The following TMEM181 variants were observed in gnomAD, a reference collection of about 807,000 sequenced individuals.
TMEM181 encodes transmembrane protein 181, also known as G protein-coupled receptor 178.
In TMEM181, 39 loss-of-function variants were observed where a neutral mutation model predicts 71.9. The ratio of observed to expected loss-of-function variants is 0.54; its 90% CI spans 0.42 to 0.71. The LOEUF is 0.71. Ranked by LOEUF, TMEM181 falls within the 30% of genes least tolerant of loss-of-function variation. TMEM181 has a pLI of 0.00. For missense variants in TMEM181, 595 were observed against 583.0 expected (o/e 1.02, Z -0.21); for synonymous variants, 245 against 228.8 (o/e 1.07, Z -0.64).
chr6:158,624,425 A>AGG (rs773154679), intron 11 of TMEM181, among the ~76,000 whole-genome samples: 5 of 152,198 alleles, frequency 3.3e-5, no homozygotes, highest in Non-Finnish European at 5.9e-5. Flanking sequence ...AGGACAGGAA[A>AGG]GGGGTGGGGG....
chr6:158,541,607 C>G (rs1225548907), intron 1 of TMEM181, among the ~76,000 whole-genome samples: 2 of 152,262 alleles, frequency 1.3e-5, no homozygotes, highest in South Asian at 4.1e-4. Flanking sequence ...GGCTCATGTT[C>G]CGTTTCCACG....
chr6:158,564,412 C>G (rs925143368), intron 1 of TMEM181, among the ~76,000 whole-genome samples: 8 of 152,346 alleles, frequency 5.3e-5, no homozygotes, highest in African/African-American at 1.4e-4. Flanking sequence ...GCCTGTCTTA[C>G]AGGGAAGCTC....
At chr6:158,628,264 A>G in intron 13 of TMEM181, 144 bp from the exon 14 acceptor site, 1 of 757,384 alleles carries the variant, frequency 1.3e-6, no homozygotes, top group Non-Finnish European at 2.3e-6. Flanking sequence ...CTGTGCGTGC[A>G]TCTGTGCATG....
intron 13 of TMEM181, among the ~76,000 whole-genome samples, chr6:158,625,992 C>A (rs1786254917): frequency 6.6e-6 from 1 of 152,216 alleles, no homozygotes; most frequent in Admixed American, 6.5e-5. Context: ...TCGGCCCGCG[C>A]TGGGCATGTT....
intron 1 of TMEM181, among the ~76,000 whole-genome samples, chr6:158,538,194 G>A (rs748803513): frequency 2.2e-5 from 3 of 137,108 alleles, no homozygotes; most frequent in African/African-American, 5.6e-5. Context: ...TTGCCCTGTC[G>A]CCCAGGCTGG....
At chr6:158,573,609 A>C in intron 2 of TMEM181, 86 bp downstream of exon 2, 1 of 1,136,986 alleles carries the variant, frequency 8.8e-7, no homozygotes, top group East Asian at 2.6e-5. Context: ...CTGTGCCCCT[A>C]TCTTCCACTG....
intron 1 of TMEM181, among the ~76,000 whole-genome samples, chr6:158,569,546 TGA>T (rs1356746057): frequency 6.6e-6 from 1 of 152,002 alleles, no homozygotes; most frequent in Non-Finnish European, 1.5e-5. Context: ...TTGAGCCTTC[TGA>T]GAGAGACTGG....
At chr6:158,608,237 C>T (rs6455594) in intron 8 of TMEM181, 96 bp from the exon 9 acceptor site, 1 of 783,708 alleles carries the variant, frequency 1.3e-6, no homozygotes, top group Non-Finnish European at 1.7e-6. Context: ...ATGGGGTGCT[C>T]TCTGCTAGGT....
At chr6:158,575,764 A>G (rs1023397792) in intron 2 of TMEM181, among the ~76,000 whole-genome samples, 2 of 152,180 alleles carry the variant, frequency 1.3e-5, no homozygotes, top group African/African-American at 4.8e-5. Flanking sequence ...CATTTGATAT[A>G]TGCTTCCCAG....
Position 158,572,065 on chromosome 6 carries a change from G to A in TMEM181, c.9-1355G>A, listed in dbSNP as rs538640240. On this transcript the variant is annotated intron_variant, in intron 1 of 16. Transcript: ENST00000684151. ...TTTATTTCTTCACCCAGTGACCCTG[G>A]TCTGTGTGCTCACTGCCCAGGTGGC... Among the ~76,000 whole-genome samples, 12 of 152,354 alleles carry A rather than the reference G, an allele frequency of 7.9e-5. No individual in the cohort carries two copies. In the South Asian group the frequency reaches 2.3e-3, roughly 29 times the overall value.
chr6:158,588,728 G>A (rs750455360), intron 5 of TMEM181, among the ~76,000 whole-genome samples: 38 of 152,222 alleles, frequency 2.5e-4, no homozygotes, highest in African/African-American at 3.4e-4. Flanking sequence ...GATTACAGGC[G>A]TGAGCCACCA....
At chr6:158,624,262 G>A (rs6915032) in intron 11 of TMEM181, among the ~76,000 whole-genome samples, 70,714 of 152,054 alleles carry the variant, frequency 0.47, 16,652 homozygotes, top group East Asian at 0.66. Flanking sequence ...GAGCCTTCTC[G>A]GTGCTAAACA....
intron 6 of TMEM181, among the ~76,000 whole-genome samples, chr6:158,602,119 C>G (rs1254943158): frequency 6.6e-6 from 1 of 152,156 alleles, no homozygotes; most frequent in Non-Finnish European, 1.5e-5. Flanking sequence ...AGTCACTGAT[C>G]TGTTATTTGC....
chr6:158,596,198 T>G (rs1184465572), intron 6 of TMEM181, among the ~76,000 whole-genome samples: 1 of 152,166 alleles, frequency 6.6e-6, no homozygotes, highest in East Asian at 1.9e-4. Flanking sequence ...GGATTACCAG[T>G]GTGAGCCACT....
intron 1 of TMEM181, among the ~76,000 whole-genome samples, chr6:158,573,053 T>C (rs1782959665): frequency 6.6e-6 from 1 of 152,024 alleles, no homozygotes; most frequent in South Asian, 2.1e-4. Context: ...TGTATGTATG[T>C]GTGTGCATGA....
chr6:158,537,026 TG>T (rs1781140167), intron 1 of TMEM181, among the ~76,000 whole-genome samples: 1 of 150,776 alleles, frequency 6.6e-6, no homozygotes, highest in South Asian at 2.1e-4. Context: ...GGCGGGGATC[TG>T]GGAGGGACCA....
intron 10 of TMEM181, chr6:158,621,557 C>G (rs1282159419): frequency 4.0e-5 from 7 of 176,996 alleles, no homozygotes; most frequent in Non-Finnish European, 8.9e-5. Flanking sequence ...CACCGGACTC[C>G]CGGAGGCAGC....
chr6:158,599,779 G>A (rs1232580279), intron 6 of TMEM181, among the ~76,000 whole-genome samples: 2 of 152,338 alleles, frequency 1.3e-5, no homozygotes, highest in East Asian at 1.9e-4. Flanking sequence ...CCCTACTCTC[G>A]GGGCTTCCTG....
At chr6:158,547,308 C>A (rs568535646) in intron 1 of TMEM181, among the ~76,000 whole-genome samples, 2 of 152,196 alleles carry the variant, frequency 1.3e-5, no homozygotes, top group African/African-American at 4.8e-5. Context: ...GAAATACAGA[C>A]GCCTAAGCCC....
Sources: allele counts gnomAD v4.1 joint callset (sites outside exome capture counted in the v4.1 genomes callset), GRCh38; gene constraint gnomAD v4.1.1; transcripts MANE v1.5; gene names NCBI Gene and HGNC (gene_info 2026-07-23, HGNC 2026-07-21).